The following SNTG1 variants were observed in gnomAD, a reference collection of about 807,000 sequenced individuals.
The protein encoded by SNTG1 is gamma-1-syntrophin.
SNTG1 carries 39 observed loss-of-function variants against 74.7 expected under a neutral mutation model. That is an observed-to-expected ratio of 0.52 (90% confidence interval 0.40 to 0.68). SNTG1 has a LOEUF of 0.68. SNTG1 is among the 30% of genes least tolerant of loss of function. The pLI is 0.00. For missense variants in SNTG1, 685 were observed against 609.5 expected, an observed-to-expected ratio of 1.12 and a Z score of -1.30; for synonymous variants, 254 against 217.1, an observed-to-expected ratio of 1.17 and a Z score of -1.49.
At chr8:50,776,583 A>G (rs2095641545) in intron 18 of SNTG1, among the ~76,000 whole-genome samples, 1 of 150,234 alleles carries the variant, frequency 6.7e-6, no homozygotes, top group Non-Finnish European at 1.5e-5. Flanking sequence ...TATAGTAAGA[A>G]CCAAACCAGA....
intron 13 of SNTG1, among the ~76,000 whole-genome samples, chr8:50,622,116 T>C (rs958807239): frequency 1.3e-5 from 2 of 152,128 alleles, no homozygotes; most frequent in Non-Finnish European, 2.9e-5. Context: ...TGCCCCAATC[T>C]CTCTGCTTAC....
intron 1 of SNTG1, among the ~76,000 whole-genome samples, chr8:50,004,163 C>A (rs1470631019): frequency 6.6e-6 from 1 of 152,008 alleles, no homozygotes; most frequent in Non-Finnish European, 1.5e-5. Flanking sequence ...AGTATGAAAA[C>A]GTACACAAAC....
At chr8:50,586,050 G>C (rs2094646219) in intron 12 of SNTG1, among the ~76,000 whole-genome samples, 1 of 152,224 alleles carries the variant, frequency 6.6e-6, no homozygotes, top group East Asian at 1.9e-4. Flanking sequence ...TCCCCACCCA[G>C]CCTGATTCAC....
At chr8:50,770,173 C>T (rs1242114552) in intron 18 of SNTG1, among the ~76,000 whole-genome samples, 1 of 152,040 alleles carries the variant, frequency 6.6e-6, no homozygotes, top group Non-Finnish European at 1.5e-5. Flanking sequence ...GTGCCTTAGG[C>T]ATTTTAAGAA....
intron 15 of SNTG1, among the ~76,000 whole-genome samples, chr8:50,700,188 T>C (rs2131501388): frequency 6.6e-6 from 1 of 152,336 alleles, no homozygotes; most frequent in East Asian, 1.9e-4. Flanking sequence ...CTTATTATAC[T>C]AATACTTCTA....
At chr8:50,108,045 G>T (rs2080446677) in intron 1 of SNTG1, among the ~76,000 whole-genome samples, 1 of 152,118 alleles carries the variant, frequency 6.6e-6, no homozygotes, top group South Asian at 2.1e-4. Flanking sequence ...CATTCTACCT[G>T]TGTAGGTCTT....
chr8:50,697,383 T>A (rs149481885), intron 15 of SNTG1, among the ~76,000 whole-genome samples: 1 of 152,302 alleles, frequency 6.6e-6, no homozygotes, highest in South Asian at 2.1e-4. Context: ...ACAAGGACAA[T>A]TGACTTTCTG....
At chr8:50,273,136 A>G (rs2087881860) in intron 2 of SNTG1, among the ~76,000 whole-genome samples, 1 of 152,182 alleles carries the variant, frequency 6.6e-6, no homozygotes, top group African/African-American at 2.4e-5. Context: ...AACATGGTAA[A>G]TGGTTAGGAT....
intron 1 of SNTG1, among the ~76,000 whole-genome samples, chr8:50,063,869 G>A (rs539552454): frequency 4.7e-4 from 72 of 152,276 alleles, no homozygotes; most frequent in African/African-American, 1.7e-3. Context: ...ATAGATGTCA[G>A]TGATGCCCAC....
intron 4 of SNTG1, among the ~76,000 whole-genome samples, chr8:50,433,353 C>T (rs543959016): frequency 1.2e-4 from 19 of 152,162 alleles, no homozygotes; most frequent in African/African-American, 3.1e-4. Context: ...TTCATCACTG[C>T]GCTAGCTAGA....
At chr8:50,510,218 C>T (rs527756910) in intron 9 of SNTG1, among the ~76,000 whole-genome samples, 5 of 152,138 alleles carry the variant, frequency 3.3e-5, no homozygotes, top group African/African-American at 7.2e-5. Flanking sequence ...GGATTACATT[C>T]ATTGATTTGC....
chr8:49,982,635 A>AGTGT (rs35133955), intron 1 of SNTG1, among the ~76,000 whole-genome samples: 7,328 of 143,132 alleles, frequency 0.051, 548 homozygotes, highest in African/African-American at 0.17. Context: ...AGCCCAAAAC[A>AGTGT]GTGTGTGTGT....
At chr8:50,319,305 A>G (rs1318543294) in intron 2 of SNTG1, among the ~76,000 whole-genome samples, 1 of 152,162 alleles carries the variant, frequency 6.6e-6, no homozygotes. Flanking sequence ...TGGAGATTTC[A>G]GTGAGCTGAG....
intron 2 of SNTG1, among the ~76,000 whole-genome samples, chr8:50,379,827 T>C (rs778632756): frequency 2.0e-5 from 3 of 152,206 alleles, no homozygotes; most frequent in Non-Finnish European, 2.9e-5. Flanking sequence ...TGTTAGCTGG[T>C]CACAGGGCTG....
At chr8:50,622,328 C>T (rs999941714) in intron 13 of SNTG1, among the ~76,000 whole-genome samples, 1 of 152,084 alleles carries the variant, frequency 6.6e-6, no homozygotes, top group Non-Finnish European at 1.5e-5. Flanking sequence ...GATGCTAATA[C>T]CATTTATATT....
intron 2 of SNTG1, among the ~76,000 whole-genome samples, chr8:50,326,963 A>G (rs1241983938): frequency 6.6e-6 from 1 of 151,954 alleles, no homozygotes; most frequent in African/African-American, 2.4e-5. Context: ...TTTTCTTTAG[A>G]AGAGTGTTGT....
intron 2 of SNTG1, among the ~76,000 whole-genome samples, chr8:50,266,764 A>G (rs1167101634): frequency 2.6e-5 from 4 of 150,966 alleles, no homozygotes; most frequent in Non-Finnish European, 4.4e-5. Flanking sequence ...GCTAACCAAA[A>G]AAAGCGAAAG....
At chr8:50,487,081 GA>G (rs1228168361) in intron 8 of SNTG1, among the ~76,000 whole-genome samples, 1 of 152,150 alleles carries the variant, frequency 6.6e-6, no homozygotes, top group Admixed American at 6.5e-5. Context: ...AAAAACACAT[GA>G]AAAAATGCTC....
chr8:50,133,015 T>G (rs541791866), intron 1 of SNTG1, among the ~76,000 whole-genome samples: 50 of 152,328 alleles, frequency 3.3e-4, no homozygotes, highest in African/African-American at 1.2e-3. Context: ...AGATTTTCCA[T>G]ATCAACAAGT....
Sources: gnomAD v4.1 joint callset for allele counts (sites outside exome capture counted in the v4.1 genomes callset) on GRCh38, gnomAD v4.1.1 for gene constraint, MANE v1.5 for transcripts, NCBI Gene and HGNC (gene_info 2026-07-23, HGNC 2026-07-21) for gene names.